Variants in MTRR observed in about 807,000 individuals in gnomAD.
MTRR encodes 5-methyltetrahydrofolate-homocysteine methyltransferase reductase, also known as methionine synthase reductase.
A neutral mutation model predicts 79.2 loss-of-function variants in MTRR; 63 were observed. The observed-to-expected ratio is 0.80, with a 90% CI of 0.65 to 0.98. The LOEUF (loss-of-function observed/expected upper bound fraction) is 0.98. MTRR is among the 50% of genes least tolerant of loss of function. The pLI is 0.00. For synonymous variants in MTRR, 355 were observed against 313.3 expected (o/e 1.13, Z -1.41); for missense variants, 895 against 839.6 (o/e 1.07, Z -0.82).
At chr5:7,897,390 C>A (rs1293869937) in intron 14 of MTRR, 143 bp downstream of exon 14, 2 of 884,738 alleles carry the variant, frequency 2.3e-6, no homozygotes, top group Non-Finnish European at 3.6e-6. Context: ...AATAACAGTT[C>A]TGAAATGATT....
In MTRR at chr5:7,875,362, G is replaced by A; in HGVS notation, c.388G>A (p.Asp130Asn). The A allele has an allele frequency of 6.2e-7, 1 of 1,610,718 alleles. No individual in the cohort carries two copies. Among genetic ancestry groups the A allele is most frequent in the Non-Finnish European group, 8.5e-7 (1 of 1,176,894 alleles). ...GCATTTCTATGACACTGGACATGCA[G>A]ATGACTGTGTAGGGTAAGGGCAGTG... ...ARHFYDTGHA[D>N]DCVGLELVVE... Residue 130 changes from aspartate to asparagine, a missense_variant, in exon 4 of 15, where the codon GAT (aspartate) becomes AAT (asparagine). Coordinates refer to ENST00000440940, the MANE Select transcript of MTRR (RefSeq NM_002454.3).
intron 9 of MTRR, 106 bp from the exon 10 acceptor site, chr5:7,891,266 G>C (rs942999918): frequency 1.2e-5 from 8 of 644,158 alleles, no homozygotes; most frequent in Middle Eastern, 7.6e-4. Flanking sequence ...AACATGATTT[G>C]AGTATTCTAA....
intron 8 of MTRR, 27 bp from the exon 9 acceptor site, chr5:7,889,068 C>T (rs752413029): frequency 6.2e-7 from 1 of 1,613,728 alleles, no homozygotes; most frequent in South Asian, 1.1e-5. Context: ...AATTGTGTCA[C>T]AATTTAAGGC....
intron 14 of MTRR, among the ~76,000 whole-genome samples, chr5:7,897,573 T>C (rs1316952819): frequency 6.6e-6 from 1 of 152,190 alleles, no homozygotes; most frequent in East Asian, 1.9e-4. Context: ...GATTTTGTTA[T>C]ATATAAGAAT....
chr5:7,886,819 A>G (rs1736546490), intron 8 of MTRR, 116 bp downstream of exon 8: 1 of 809,424 alleles, frequency 1.2e-6, no homozygotes, highest in African/African-American at 1.7e-5. Flanking sequence ...TGATCTTGAT[A>G]GCATGTTTTT....
intron 8 of MTRR, among the ~76,000 whole-genome samples, chr5:7,886,952 A>G (rs555494413): frequency 6.6e-6 from 1 of 152,062 alleles, no homozygotes; most frequent in Non-Finnish European, 1.5e-5. Context: ...GCTTTTTCTT[A>G]GTCTAAATAG....
At position 7,883,208 on chromosome 5, in the gene MTRR, T is replaced by A; in HGVS notation, c.834T>A (p.Ile278=). ...TSADPVFQVP[I]SKAVQLTTND... ...CAGATCCAGTTTTTCAAGTGCCAAT[T>A]TCAAAGGCAGTTCAACTTACTACGA... is the stretch of plus-strand genomic sequence containing the variant. Residue 278 remains isoleucine (I), a synonymous_variant, in exon 6 of 15, where the codon ATT becomes ATA. Coordinates refer to ENST00000440940, the MANE Select transcript of MTRR (RefSeq NM_002454.3). 1 of 1,614,232 alleles carries A rather than the reference T, an allele frequency of 6.2e-7. No individual in the cohort carries two copies. Among genetic ancestry groups the A allele is most frequent in the East Asian group, 2.2e-5 (1 of 44,876 alleles).
In MTRR at chr5:7,890,515, T is replaced by C. The variant is rs889951691; in HGVS notation, c.1328-857T>C. ...TTACCTTTTAGAATGTTAGAATGTT[T>C]GTAACAATACCACATTACGTAGTTA... On this transcript the variant is annotated intron_variant, in intron 9 of 14. Transcript: ENST00000440940. 4.0e-5 allele frequency: 25 copies of C among 622,398 alleles called. No individual in the cohort carries two copies. The East Asian group carries it at 2.9e-3, about 72-fold the overall frequency. 38.6% of individuals were successfully genotyped at this position (622,398 alleles called of 1,614,324 possible).
At chr5:7,864,038 ACAGGGTTTCACCATG>A (rs1247756655) in intron 2 of MTRR, among the ~76,000 whole-genome samples, 1 of 152,114 alleles carries the variant, frequency 6.6e-6, no homozygotes, top group East Asian at 1.9e-4. Flanking sequence ...TTTAGTAGAG[ACAGGGTTTCACCATG>A]TTAGCAAGGC....
intron 7 of MTRR, 117 bp downstream of exon 7, chr5:7,885,971 C>G (rs1265594648): frequency 2.2e-6 from 3 of 1,347,850 alleles, no homozygotes; most frequent in Non-Finnish European, 3.2e-6. Flanking sequence ...ATGCCTGGGG[C>G]TCAGCTGCGC....
rs535888126 is a variant in MTRR, at chr5:7,899,794, C to A, written c.1953-120C>A. The A allele has an allele frequency of 2.3e-6, 3 of 1,318,288 alleles. No individual in the cohort carries two copies. In the South Asian group the frequency reaches 3.6e-5, roughly 16 times the overall value. The allele number at this position is 1,318,288 out of a possible 1,614,324, so 81.7% of individuals were successfully genotyped here. A position where few individuals can be genotyped will look rare whatever the true frequency, so the allele number is the denominator to read the frequency against. On this transcript the variant is annotated intron_variant, in intron 14 of 14. Coordinates refer to ENST00000440940, the MANE Select transcript of MTRR (RefSeq NM_002454.3). ...GGCTGGGAGATCTGTGTGAGATGTTCTGAGAAGACGGAGGGAAGAACTATG... is the reference window on the plus strand; with the variant it reads ...GGCTGGGAGATCTGTGTGAGATGTTATGAGAAGACGGAGGGAAGAACTATG...
chr5:7,863,286 G>C (rs1359711908), intron 2 of MTRR: 1 of 351,150 alleles, frequency 2.8e-6, no homozygotes, highest in African/African-American at 2.2e-5. Flanking sequence ...TGAGGAGAGA[G>C]TGAGAAGAAA....
intron 5 of MTRR, among the ~76,000 whole-genome samples, chr5:7,879,746 C>T (rs1735276979): frequency 6.6e-6 from 1 of 152,192 alleles, no homozygotes; most frequent in African/African-American, 2.4e-5. Flanking sequence ...CAACAAAGGC[C>T]TCAGTCAGCT....
chr5:7,875,764 G>A (rs1414825964), intron 4 of MTRR, among the ~76,000 whole-genome samples: 4 of 152,240 alleles, frequency 2.6e-5, no homozygotes, highest in South Asian at 4.1e-4. Flanking sequence ...AGCCTGGTGA[G>A]CCACACTTCG....
chr5:7,859,528 A>G, intron 1 of MTRR: 1 of 1,572,612 alleles, frequency 6.4e-7, no homozygotes, highest in East Asian at 2.3e-5. Context: ...TCCCAATCTC[A>G]TGATAGGGGA....
At chr5:7,888,702 T>C (rs1286410571) in intron 8 of MTRR, among the ~76,000 whole-genome samples, 1 of 152,198 alleles carries the variant, frequency 6.6e-6, no homozygotes, top group African/African-American at 2.4e-5. Flanking sequence ...GCATTTCACA[T>C]AACATTTGAT....
chr5:7,895,585 A>G (rs1014726006), intron 11 of MTRR, 149 bp from the exon 12 acceptor site: 1 of 1,052,950 alleles, frequency 9.5e-7, no homozygotes, highest in African/African-American at 1.6e-5. Flanking sequence ...AAATGTGCTC[A>G]TGGTTTCAAT....
At chr5:7,891,466 A>G (rs1579779771) in intron 10 of MTRR, 52 bp downstream of exon 10, 1 of 1,344,214 alleles carries the variant, frequency 7.4e-7, no homozygotes, top group Non-Finnish European at 1.0e-6. Flanking sequence ...AAAATCTTAG[A>G]CTCAGGCTTC....
At chr5:7,863,192 C>T (rs1325206247) in intron 2 of MTRR, 5 of 569,710 alleles carry the variant, frequency 8.8e-6, no homozygotes, top group African/African-American at 1.9e-5. Flanking sequence ...TCTAATAGTT[C>T]AAAATGTCTT....
Sources: allele counts gnomAD v4.1 joint callset (sites outside exome capture counted in the v4.1 genomes callset), GRCh38; gene constraint gnomAD v4.1.1; transcripts MANE v1.5; gene names NCBI Gene and HGNC (gene_info 2026-07-23, HGNC 2026-07-21).